The following ATRNL1 variants were observed in gnomAD, a reference collection of about 807,000 sequenced individuals.
ATRNL1 encodes the protein attractin like 1, also known as attractin-like protein 1.
A neutral mutation model predicts 182.7 loss-of-function variants in ATRNL1; 95 were observed. The observed-to-expected ratio is 0.52, with a 90% confidence interval of 0.44 to 0.62. The LOEUF (loss-of-function observed/expected upper bound fraction) is 0.62. Ranked by LOEUF, ATRNL1 falls within the 20% of genes least tolerant of loss-of-function variation. ATRNL1 has a pLI of 0.00. For synonymous variants in ATRNL1, 576 were observed against 568.3 expected, an observed-to-expected ratio of 1.01 and a Z score of -0.19; for missense variants, 1,471 against 1,679.5, an observed-to-expected ratio of 0.88 and a Z score of 2.17.
At chr10:115,813,624 C>T (rs1024440244) in intron 27 of ATRNL1, among the ~76,000 whole-genome samples, 5 of 152,118 alleles carry the variant, frequency 3.3e-5, no homozygotes, top group Non-Finnish European at 7.4e-5. Context: ...TTTAAATAAC[C>T]TTCTCTAAAT....
At chr10:115,189,364 A>G (rs903616113) in intron 8 of ATRNL1, among the ~76,000 whole-genome samples, 10 of 152,024 alleles carry the variant, frequency 6.6e-5, no homozygotes, top group Non-Finnish European at 1.5e-4. Context: ...ACTGTAAAAT[A>G]GCCTTAGGCA....
At chr10:115,332,379 C>T (rs1272203317) in intron 18 of ATRNL1, among the ~76,000 whole-genome samples, 2 of 152,212 alleles carry the variant, frequency 1.3e-5, no homozygotes, top group East Asian at 3.9e-4. Flanking sequence ...AGTGGTTGTT[C>T]AAATTGATGT....
chr10:115,769,378 G>C (rs1555075793), intron 27 of ATRNL1, among the ~76,000 whole-genome samples: 1 of 152,020 alleles, frequency 6.6e-6, no homozygotes, highest in African/African-American at 2.4e-5. Context: ...CAACACTGTG[G>C]GCTCAGAATT....
chr10:115,129,570 T>C, intron 5 of ATRNL1, 35 bp downstream of exon 5: 1 of 1,544,030 alleles, frequency 6.5e-7, no homozygotes, highest in South Asian at 1.1e-5. Flanking sequence ...TTTGAAACAT[T>C]GATTCATATA....
chr10:115,457,245 G>A (rs1020296902), intron 21 of ATRNL1, among the ~76,000 whole-genome samples: 1 of 152,018 alleles, frequency 6.6e-6, no homozygotes, highest in African/African-American at 2.4e-5. Flanking sequence ...TGAGTCTGGG[G>A]TTTTTATGGG....
chr10:115,114,969 GGGAAAC>G, intron 1 of ATRNL1, among the ~76,000 whole-genome samples: 1 of 152,060 alleles, frequency 6.6e-6, no homozygotes, highest in South Asian at 2.1e-4. Flanking sequence ...AGCCAATATT[GGGAAAC>G]AACCTAAGTG....
In ATRNL1 at chr10:115,594,277, A is replaced by T. The variant is rs187726416; in HGVS notation, c.3795+44741A>T. Among the ~76,000 whole-genome samples the T allele has an allele frequency of 2.6e-3, 391 of 152,204 alleles. 1 individual carries two copies. Among genetic ancestry groups the T allele is most frequent in the African/African-American group, 9.1e-3 (377 of 41,550 alleles). ...CTATATTATAAATACTTAATATTTT[A>T]TATTTCTCACATATTACAGATTGTA... On this transcript the variant is annotated intron_variant, in intron 26 of 28. Transcript: ENST00000355044.
intron 27 of ATRNL1, among the ~76,000 whole-genome samples, chr10:115,778,045 C>T (rs910010678): frequency 3.9e-5 from 6 of 152,098 alleles, no homozygotes; most frequent in Non-Finnish European, 5.9e-5. Flanking sequence ...GTTCAGGGGC[C>T]GGACTTTCTT....
At chr10:115,400,389 C>T (rs1448483216) in intron 20 of ATRNL1, among the ~76,000 whole-genome samples, 2 of 152,086 alleles carry the variant, frequency 1.3e-5, no homozygotes, top group East Asian at 3.9e-4. Context: ...GAGTATATGC[C>T]ATGCAGTGAT....
At chr10:115,561,669 CTGTGTGTG>C (rs375690170) in intron 26 of ATRNL1, among the ~76,000 whole-genome samples, 2 of 141,482 alleles carry the variant, frequency 1.4e-5, no homozygotes. Flanking sequence ...AGGGACAACT[CTGTGTGTG>C]TGTGTGTGTG....
At chr10:115,160,788 T>G (rs1378879018) in intron 6 of ATRNL1, among the ~76,000 whole-genome samples, 2 of 151,924 alleles carry the variant, frequency 1.3e-5, no homozygotes, top group African/African-American at 4.8e-5. Context: ...TATGAACTGT[T>G]TAGTAACAAT....
intron 8 of ATRNL1, among the ~76,000 whole-genome samples, chr10:115,200,562 C>CT (rs1564815618): frequency 6.9e-6 from 1 of 144,996 alleles, no homozygotes; most frequent in African/African-American, 2.6e-5. Context: ...TGAACTCATC[C>CT]TTTTTTATGG....
intron 8 of ATRNL1, among the ~76,000 whole-genome samples, chr10:115,177,910 T>G: frequency 7.2e-6 from 1 of 139,436 alleles, no homozygotes; most frequent in African/African-American, 2.8e-5. Context: ...TTTGTTTTTT[T>G]TGTTTTTTTT....
chr10:115,316,219 T>C (rs1276435920), intron 18 of ATRNL1, among the ~76,000 whole-genome samples: 1 of 152,188 alleles, frequency 6.6e-6, no homozygotes, highest in Non-Finnish European at 1.5e-5. Flanking sequence ...TTTCGTTTTC[T>C]GTTCCTGTGT....
chr10:115,504,727 A>T (rs4630209), intron 24 of ATRNL1, among the ~76,000 whole-genome samples: 4,826 of 152,192 alleles, frequency 0.032, 251 homozygotes, highest in African/African-American at 0.11. Flanking sequence ...TAAGTTAAAT[A>T]AACTTGAAAA....
At chr10:115,893,208 T>TG (rs1474355222) in intron 28 of ATRNL1, among the ~76,000 whole-genome samples, 2 of 152,020 alleles carry the variant, frequency 1.3e-5, no homozygotes, top group Non-Finnish European at 2.9e-5. Flanking sequence ...TTGAGGGAAA[T>TG]GGGGGCAGAA....
intron 10 of ATRNL1, among the ~76,000 whole-genome samples, chr10:115,264,952 C>A (rs1851544724): frequency 1.3e-5 from 2 of 151,456 alleles, no homozygotes; most frequent in Admixed American, 1.3e-4. Context: ...TTTTCATTTT[C>A]TTGTTCTCAT....
intron 27 of ATRNL1, among the ~76,000 whole-genome samples, chr10:115,787,355 T>C (rs2134203507): frequency 6.6e-6 from 1 of 152,328 alleles, no homozygotes; most frequent in African/African-American, 2.4e-5. Flanking sequence ...CTAAGACTGA[T>C]ACTCATAGTT....
intron 26 of ATRNL1, among the ~76,000 whole-genome samples, chr10:115,637,240 A>G (rs1858931670): frequency 6.6e-6 from 1 of 152,200 alleles, no homozygotes; most frequent in Non-Finnish European, 1.5e-5. Context: ...CAAGTCCTTT[A>G]GGAAGCATTC....
Sources: allele counts gnomAD v4.1 joint callset (sites outside exome capture counted in the v4.1 genomes callset), GRCh38; gene constraint gnomAD v4.1.1; transcripts MANE v1.5; gene names NCBI Gene and HGNC (gene_info 2026-07-23, HGNC 2026-07-21).